The following TOP3A variants were observed in gnomAD, a reference collection of about 807,000 sequenced individuals.
TOP3A encodes the protein DNA topoisomerase 3-alpha.
A neutral mutation model predicts 111.3 loss-of-function variants in TOP3A; 64 were observed. That is an observed-to-expected ratio of 0.57 (90% CI 0.47 to 0.71). The LOEUF (loss-of-function observed/expected upper bound fraction) is 0.71. Among genes scored for constraint, TOP3A ranks in the 30% least tolerant of loss-of-function variants. The pLI is 0.00. For missense variants in TOP3A, 1,104 were observed against 1,285.0 expected (o/e 0.86, Z 2.15); for synonymous variants, 484 against 485.1 (o/e 1.00, Z 0.03).
chr17:18,289,607 G>T (rs1201890286), intron 13 of TOP3A, among the ~76,000 whole-genome samples: 1 of 152,124 alleles, frequency 6.6e-6, no homozygotes, highest in African/African-American at 2.4e-5. Flanking sequence ...TGCCCAAGCT[G>T]GTCTTGAATT....
At chr17:18,294,563 C>T (rs966936366) in intron 10 of TOP3A, 140 bp downstream of exon 10, 10 of 619,324 alleles carry the variant, frequency 1.6e-5, no homozygotes, top group South Asian at 9.9e-5. Context: ...CTCTTGACCT[C>T]GTGATCTGCC....
chr17:18,275,540 T>G (rs1274462803), intron 18 of TOP3A, among the ~76,000 whole-genome samples: 1 of 151,514 alleles, frequency 6.6e-6, no homozygotes, highest in Non-Finnish European at 1.5e-5. Context: ...ATTTTTTGTA[T>G]TTTTAGTAGA....
At chr17:18,298,805 G>T (rs1981033148) in intron 9 of TOP3A, among the ~76,000 whole-genome samples, 1 of 152,194 alleles carries the variant, frequency 6.6e-6, no homozygotes, top group African/African-American at 2.4e-5. Flanking sequence ...AGGGTTGAAT[G>T]AATTAAGGGC....
At position 18,290,929 on chromosome 17, in the gene TOP3A, G is replaced by T. The variant is rs768287785; in HGVS notation, c.1380C>A (p.Ile460=). The stretch of plus-strand genomic sequence containing the variant: ...CATGGGCCACAAAGCGTTCCTGAGC[G>T]ATGTCGATCTCCACTGTGGTCTCCT... ...QGQETTVEID[I]AQERFVAHGL... The change falls in exon 12 of 19, where the codon ATC becomes ATA. Residue 460 remains isoleucine (I), a synonymous_variant. Coordinates refer to ENST00000321105, the MANE Select transcript of TOP3A (RefSeq NM_004618.5). 1 of 1,614,074 alleles carries T rather than the reference G, an allele frequency of 6.2e-7. No homozygotes were observed.
chr17:18,309,629 G>GC (rs1981789453), intron 1 of TOP3A, among the ~76,000 whole-genome samples: 1 of 151,730 alleles, frequency 6.6e-6, no homozygotes, highest in Non-Finnish European at 1.5e-5. Context: ...GGGTGACAGA[G>GC]CGAGACTGTC....
chr17:18,278,391 C>T, intron 17 of TOP3A, 34 bp from the exon 18 acceptor site: 1 of 1,495,038 alleles, frequency 6.7e-7, no homozygotes, highest in South Asian at 1.4e-5. Context: ...AAAACATTAA[C>T]AACCAGATGC....
At chr17:18,310,421 CCTT>C (rs1408609426) in intron 1 of TOP3A, among the ~76,000 whole-genome samples, 2 of 151,924 alleles carry the variant, frequency 1.3e-5, no homozygotes, top group African/African-American at 4.8e-5. Flanking sequence ...GAGAGAGACT[CCTT>C]CTCAAAAACC....
Position 18,273,661 on chromosome 17 carries a change from ACT to A in TOP3A, c.*1139_*1140del, listed in dbSNP as rs1979139532. On this transcript the variant is annotated 3_prime_UTR_variant, in exon 19 of 19. Coordinates refer to ENST00000321105, the MANE Select transcript of TOP3A (RefSeq NM_004618.5). ...TAAAAAAAGTTTGAGACAGGGTCTT[ACT>A]CTGTCACCCAGGCTGGAGTGCAGTG... Among the ~76,000 whole-genome samples the A allele has an allele frequency of 6.6e-6, 1 of 152,102 alleles. No homozygotes were observed. The highest frequency in any genetic ancestry group is 1.5e-5 in the Non-Finnish European group (1 of 68,006).
rs369508573 is a variant in TOP3A at position 18,302,264 on chromosome 17, C to G, written c.814G>C (p.Val272Leu). ...CCATAACACCCACTCCAGGCCCTAC[C>G]TTTAATTCTGTGGAAGATTTCTGGT... ...FVPEIFHRIK[V>L]THDHKDGIVE... is the part of the protein sequence containing the mutation. The change falls in exon 7 of 19, where the codon GTA becomes CTA. Residue 272 changes from valine to leucine, a missense_variant and splice_region_variant. Val to Leu is a conservative substitution (Grantham distance 32). Coordinates refer to ENST00000321105, the MANE Select transcript of TOP3A (RefSeq NM_004618.5). 1.4e-5 allele frequency: 23 copies of G among 1,608,086 alleles called. No homozygotes were observed. In the African/African-American group the frequency reaches 2.8e-4, roughly 20 times the overall value.
At chr17:18,308,670 C>T (rs1410661356) in intron 2 of TOP3A, 3 of 408,480 alleles carry the variant, frequency 7.3e-6, no homozygotes, top group South Asian at 5.1e-5. Flanking sequence ...TGTATATTAG[C>T]TTTTTTTTTT....
chr17:18,302,260 C>G lies in TOP3A; in HGVS notation c.814+4G>C. ...CAGGCCATAACACCCACTCCAGGCC[C>G]TACCTTTAATTCTGTGGAAGATTTC... On this transcript the variant is annotated splice_donor_region_variant and intron_variant, in intron 7 of 18. Transcript: ENST00000321105. 1.2e-6 allele frequency: 2 copies of G among 1,606,196 alleles called. No homozygotes were observed. The highest frequency in any genetic ancestry group is 1.7e-6 in the Non-Finnish European group (2 of 1,177,022).
intron 13 of TOP3A, among the ~76,000 whole-genome samples, chr17:18,288,471 TA>T (rs1489370184): frequency 6.7e-6 from 1 of 148,974 alleles, no homozygotes; most frequent in Admixed American, 6.9e-5. Flanking sequence ...ATATTATTAT[TA>T]TTTTTTTGTA....
chr17:18,292,916 C>A (rs1419265475), intron 10 of TOP3A, 64 bp from the exon 11 acceptor site: 10 of 1,477,548 alleles, frequency 6.8e-6, no homozygotes, highest in South Asian at 3.9e-5. Flanking sequence ...CTATAAACAA[C>A]TGAAAGCACA....
chr17:18,302,871 A>G (rs773710923), intron 5 of TOP3A, 148 bp from the exon 6 acceptor site: 66 of 861,680 alleles, frequency 7.7e-5, no homozygotes, highest in Middle Eastern at 2.3e-4. Context: ...GGTTAAATCA[A>G]TGGTGTACAG....
At chr17:18,280,494 A>G in intron 17 of TOP3A, 42 bp downstream of exon 17, 1 of 1,601,850 alleles carries the variant, frequency 6.2e-7, no homozygotes. Context: ...AAGATGGTGT[A>G]CACACTCCAG....
Position 18,271,729 on chromosome 17 carries a change from C to A in TOP3A, c.*3073G>T, listed in dbSNP as rs2142918406. 2 of 435,964 alleles carry A rather than the reference C, an allele frequency of 4.6e-6. No individual in the cohort carries two copies. Among genetic ancestry groups the A allele is most frequent in the Admixed American group, 5.4e-5 (2 of 37,344 alleles). 27.0% of individuals were successfully genotyped at this position (435,964 alleles called of 1,614,324 possible). On this transcript the variant is annotated 3_prime_UTR_variant, in exon 19 of 19. Transcript: ENST00000321105. ...TGATATCCAGAAACTATTAAGAACTCCTACAACTCAACAACAAAGACAGAC... is the reference window on the plus strand; with the variant it reads ...TGATATCCAGAAACTATTAAGAACTACTACAACTCAACAACAAAGACAGAC...
Position 18,285,257 on chromosome 17 carries a change from G to C in TOP3A, c.1762C>G (p.Leu588Val). 6.2e-7 allele frequency: 1 copy of C among 1,614,216 alleles called. No homozygotes were observed. The highest frequency in any genetic ancestry group is 8.5e-7 in the Non-Finnish European group (1 of 1,180,038). Residue 588 changes from leucine (L) to valine (V), a missense_variant, in exon 15 of 19, where the codon CTG becomes GTG. Transcript: ENST00000321105. ...CAGATCAGCTTCAGATCAGCTTCCA[G>C]TTCAGCCCGGAGGTCAGGCTTAGAC... Reference protein sequence around the residue: ...EMSKPDLRAELEADLKLICDG... With the variant: ...EMSKPDLRAEVEADLKLICDG...
chr17:18,303,675 G>A (rs577914947), intron 5 of TOP3A, among the ~76,000 whole-genome samples: 1 of 152,198 alleles, frequency 6.6e-6, no homozygotes, highest in South Asian at 2.1e-4. Flanking sequence ...TTATGACACA[G>A]TCTTTTGTTT....
At position 18,292,277 on chromosome 17, in the gene TOP3A, T is replaced by C. The variant is rs200839876; in HGVS notation, c.1281+368A>G. ...TGGCACGACTGGGGTGGCAGCAAAG[T>C]TTCAGGAGGCAACCAAAACTGAGCC... On this transcript the variant is annotated intron_variant, in intron 11 of 18. Coordinates refer to ENST00000321105, the MANE Select transcript of TOP3A (RefSeq NM_004618.5). 3.0e-4 allele frequency among the ~76,000 whole-genome samples: 45 copies of C among 152,256 alleles called. 1 individual carries two copies. The East Asian group carries it at 8.7e-3, about 29-fold the overall frequency.
Sources: gnomAD v4.1 joint callset for allele counts (sites outside exome capture counted in the v4.1 genomes callset) on GRCh38, gnomAD v4.1.1 for gene constraint, MANE v1.5 for transcripts, NCBI Gene and HGNC (gene_info 2026-07-23, HGNC 2026-07-21) for gene names.